SPATA1: variants seen among roughly 807,000 people sequenced by gnomAD.
SPATA1 encodes spermatogenesis associated 1.
Under a neutral mutation model 59.6 loss-of-function variants are expected in SPATA1, and 57 were observed. The observed-to-expected ratio is 0.96, with a 90% CI of 0.77 to 1.19. The LOEUF is 1.19. Among genes scored for constraint, SPATA1 ranks in the 50% most tolerant of loss-of-function variants. The probability of loss-of-function intolerance (pLI) is 0.00; values close to 1 mark genes in which losing one functional copy is unlikely to be tolerated. For synonymous variants in SPATA1, 147 were observed against 163.9 expected (o/e 0.90, Z 0.79); for missense variants, 448 against 480.7 (o/e 0.93, Z 0.64).
intron 1 of SPATA1, among the ~76,000 whole-genome samples, chr1:84,513,161 CCAGGCT>C (rs1182634015): frequency 1.3e-5 from 2 of 152,086 alleles, no homozygotes. Flanking sequence ...CTCTTGTTGC[CCAGGCT>C]AGAGTGCAAT....
At position 84,522,383 on chromosome 1, in the gene SPATA1, A is replaced by G. The variant is rs1169567993; in HGVS notation, c.144-7A>G. The G allele has an allele frequency of 1.4e-6, 2 of 1,420,304 alleles. No individual in the cohort carries two copies. Among genetic ancestry groups the G allele is most frequent in the Non-Finnish European group, 1.9e-6 (2 of 1,068,486 alleles). The allele number at this position is 1,420,304 out of a possible 1,614,324, so 88.0% of individuals were successfully genotyped here. A position where few individuals can be genotyped will look rare whatever the true frequency, so the allele number is the denominator to read the frequency against. On this transcript the variant is annotated splice_region_variant and splice_polypyrimidine_tract_variant and intron_variant, in intron 3 of 12. Coordinates refer to ENST00000490879, the Ensembl canonical transcript of SPATA1. ...TTATATTATAAGGCAATTTTATAAT[A>G]TTTCAGAGTATCTCCTCAACTTACT...
intron 4 of SPATA1, among the ~76,000 whole-genome samples, chr1:84,563,056 C>A (rs1684623999): frequency 6.6e-6 from 1 of 152,150 alleles, no homozygotes; most frequent in African/African-American, 2.4e-5. Context: ...GTAGATTCAC[C>A]ATTAGCAAAA....
exon 6 of SPATA1, chr1:84,525,930 G>C: frequency 1.2e-6 from 2 of 1,613,576 alleles, no homozygotes; most frequent in South Asian, 2.2e-5. Flanking sequence ...TTAGATGAGC[G>C]GCAGACTAAT....
intron 10 of SPATA1, 131 bp from the exon 11 acceptor site, chr1:84,548,655 G>A (rs1684168995): frequency 8.9e-7 from 1 of 1,128,390 alleles, no homozygotes; most frequent in Non-Finnish European, 1.1e-6. Flanking sequence ...AGGAGAAGAG[G>A]AGAGAAAGAG....
At chr1:84,557,683 G>A (rs368646520), downstream of SPATA1, among the ~76,000 whole-genome samples, 16 of 151,338 alleles carry the variant, frequency 1.1e-4, no homozygotes, top group South Asian at 4.2e-4. Flanking sequence ...GTGAAACCCC[G>A]TCTCTATTAA....
chr1:84,563,114 G>A, intron 4 of SPATA1: 1 of 486,510 alleles, frequency 2.1e-6, no homozygotes, highest in Non-Finnish European at 3.4e-6. Context: ...CAGATTCAAA[G>A]ACAAGTTTAC....
intron 4 of SPATA1, chr1:84,563,384 C>CG (rs1478060119): frequency 1.9e-6 from 3 of 1,574,714 alleles, no homozygotes; most frequent in Non-Finnish European, 2.6e-6. Context: ...AGGAGCCCCC[C>CG]GGAAAGGGAC....
chr1:84,562,415 G>A (rs934177237), intron 4 of SPATA1, among the ~76,000 whole-genome samples: 1 of 152,150 alleles, frequency 6.6e-6, no homozygotes, highest in South Asian at 2.1e-4. Flanking sequence ...GCATACACAT[G>A]TATATCAATT....
intron 4 of SPATA1, chr1:84,563,730 C>A: frequency 1.3e-6 from 2 of 1,539,020 alleles, no homozygotes; most frequent in Non-Finnish European, 1.8e-6. Flanking sequence ...AATGACTGTT[C>A]CTACCTCAGA....
intron 4 of SPATA1, chr1:84,563,649 A>G: frequency 1.2e-6 from 1 of 830,444 alleles, no homozygotes; most frequent in Non-Finnish European, 1.8e-6. Flanking sequence ...CAGAGATTCT[A>G]AAGTTTATAT....
intron 8 of SPATA1, among the ~76,000 whole-genome samples, chr1:84,543,365 A>G (rs1272875862): frequency 6.6e-6 from 1 of 152,172 alleles, no homozygotes; most frequent in Non-Finnish European, 1.5e-5. Context: ...AAAATACCTG[A>G]GACTGGGTAA....
chr1:84,512,712 G>A, intron 1 of SPATA1, among the ~76,000 whole-genome samples: 1 of 152,172 alleles, frequency 6.6e-6, no homozygotes, highest in East Asian at 1.9e-4. Flanking sequence ...TCTACCAACA[G>A]TTACTCCTTC....
In SPATA1 at chr1:84,541,947, G is replaced by A. The variant is rs186483652; in HGVS notation, c.718-2255G>A. ...GCAGGTTTTTGAGTTTTTTTTGTTT[G>A]TTTGTTTTTTTGTTGTTGTTGTTTT... On this transcript the variant is annotated intron_variant, in intron 8 of 12. Coordinates refer to ENST00000490879, the Ensembl canonical transcript of SPATA1. 2.1e-3 allele frequency among the ~76,000 whole-genome samples: 324 copies of A among 151,946 alleles called. 3 individuals are homozygous for A. Among genetic ancestry groups the A allele is most frequent in the Non-Finnish European group, 3.1e-3 (210 of 67,932 alleles).
At chr1:84,566,880 C>T (rs896207796), downstream of SPATA1, among the ~76,000 whole-genome samples, 28 of 152,164 alleles carry the variant, frequency 1.8e-4, no homozygotes, top group Non-Finnish European at 8.8e-5. Flanking sequence ...GCTGATCTGC[C>T]GATCTCAGCC....
At chr1:84,562,747 G>C (rs973550718) in intron 4 of SPATA1, among the ~76,000 whole-genome samples, 1 of 152,014 alleles carries the variant, frequency 6.6e-6, no homozygotes, top group African/African-American at 2.4e-5. Flanking sequence ...TAATATTTTT[G>C]TAAGTTTTGA....
chr1:84,526,131 C>T, intron 6 of SPATA1, 58 bp downstream of exon 6: 1 of 1,441,964 alleles, frequency 6.9e-7, no homozygotes, highest in Non-Finnish European at 9.5e-7. Flanking sequence ...TTTTAGCAGT[C>T]AAGTCTGTAA....
intron 10 of SPATA1, 28 bp from the exon 11 acceptor site, chr1:84,548,758 T>A: frequency 1.4e-6 from 1 of 702,430 alleles, no homozygotes; most frequent in Non-Finnish European, 1.8e-6. Context: ...TCCTTTTTTT[T>A]TTTTTTTTTT....
At chr1:84,551,243 C>T in intron 12 of SPATA1, 1 of 984,904 alleles carries the variant, frequency 1.0e-6, no homozygotes, top group Non-Finnish European at 1.2e-6. Flanking sequence ...TATGAATGCT[C>T]TCATTTCTTT....
chr1:84,529,167 ATGTGAAACTGCTTTGTATC>A, intron 6 of SPATA1, among the ~76,000 whole-genome samples: 1 of 152,268 alleles, frequency 6.6e-6, no homozygotes, highest in East Asian at 1.9e-4. Flanking sequence ...TGGATATCAT[ATGTGAAACTGCTTTGTATC>A]TGTAAATCAC....
Sources: gnomAD v4.1 joint callset for allele counts (sites outside exome capture counted in the v4.1 genomes callset) on GRCh38, gnomAD v4.1.1 for gene constraint, MANE v1.5 for transcripts, NCBI Gene and HGNC (gene_info 2026-07-23, HGNC 2026-07-21) for gene names.